IL15: variants seen among roughly 807,000 people sequenced by gnomAD.
IL15 encodes the protein interleukin 15.
IL15 carries 11 observed loss-of-function variants against 19.6 expected under a neutral mutation model. The ratio of observed to expected loss-of-function variants is 0.56; its 90% CI spans 0.35 to 0.93. The LOEUF (loss-of-function observed/expected upper bound fraction) is 0.93, where lower values mean the gene tolerates loss of function less well. IL15 is among the 40% of genes least tolerant of loss of function. The pLI is 0.01. For synonymous variants in IL15, 58 were observed against 59.6 expected (o/e 0.97, Z 0.12); for missense variants, 197 against 186.5 (o/e 1.06, Z -0.33).
intron 7 of IL15, among the ~76,000 whole-genome samples, chr4:141,730,409 T>A (rs1273440770): frequency 6.6e-6 from 1 of 152,172 alleles, no homozygotes; most frequent in Non-Finnish European, 1.5e-5. Context: ...ATTCATTTAA[T>A]CCTCATGATA....
At chr4:141,663,655 G>T (rs1727867470) in intron 2 of IL15, among the ~76,000 whole-genome samples, 1 of 152,176 alleles carries the variant, frequency 6.6e-6, no homozygotes, top group Non-Finnish European at 1.5e-5. Context: ...CTTCCTCCCA[G>T]GTATGGGATA....
At chr4:141,679,285 T>C (rs1728459022) in intron 2 of IL15, among the ~76,000 whole-genome samples, 1 of 152,230 alleles carries the variant, frequency 6.6e-6, no homozygotes, top group African/African-American at 2.4e-5. Flanking sequence ...TATACTTTGC[T>C]TAGTATCCAA....
chr4:141,696,598 C>T (rs953940302), intron 2 of IL15, among the ~76,000 whole-genome samples: 14 of 151,912 alleles, frequency 9.2e-5, no homozygotes, highest in African/African-American at 3.4e-4. Flanking sequence ...TCTTCACATT[C>T]GTTCAGAAAA....
At chr4:141,682,289 G>A (rs1728559179) in intron 2 of IL15, among the ~76,000 whole-genome samples, 1 of 152,118 alleles carries the variant, frequency 6.6e-6, no homozygotes, top group Non-Finnish European at 1.5e-5. Context: ...ATTAAAATTT[G>A]TAATTGTTGA....
At chr4:141,705,153 C>T (rs2152183387) in intron 2 of IL15, among the ~76,000 whole-genome samples, 1 of 151,614 alleles carries the variant, frequency 6.6e-6, no homozygotes, top group Middle Eastern at 3.4e-3. Flanking sequence ...ATTTTTAGTT[C>T]CTTGAGGTGA....
intron 1 of IL15, among the ~76,000 whole-genome samples, chr4:141,650,778 A>G (rs1727377629): frequency 6.6e-6 from 1 of 152,076 alleles, no homozygotes; most frequent in South Asian, 2.1e-4. Context: ...GATGTTACTT[A>G]GGCACTGGAA....
chr4:141,695,788 A>G lies in IL15; in HGVS notation c.-99-23578A>G, dbSNP rs547974110. 2.0e-5 allele frequency among the ~76,000 whole-genome samples: 3 copies of G among 152,008 alleles called. No individual in the cohort carries two copies. In the South Asian group the frequency reaches 6.2e-4, roughly 32 times the overall value. On this transcript the variant is annotated intron_variant, in intron 2 of 7. Coordinates refer to ENST00000320650, the MANE Select transcript of IL15 (RefSeq NM_000585.5). ...GACTTTTGCCCATTTTTCAAGTTGTATTGTTTCTTCAAATTTGAGTTGTTT... is the reference window on the plus strand; with the variant it reads ...GACTTTTGCCCATTTTTCAAGTTGTGTTGTTTCTTCAAATTTGAGTTGTTT...
intron 2 of IL15, among the ~76,000 whole-genome samples, chr4:141,683,431 C>A (rs1255397950): frequency 6.6e-6 from 1 of 151,618 alleles, no homozygotes; most frequent in African/African-American, 2.4e-5. Context: ...ATTAGCCTGG[C>A]ATGGCGGTGT....
chr4:141,674,023 A>C (rs1050098704), intron 2 of IL15, among the ~76,000 whole-genome samples: 2 of 152,212 alleles, frequency 1.3e-5, no homozygotes, highest in South Asian at 2.1e-4. Flanking sequence ...AGTTGATATT[A>C]AAGTGTTAAA....
At chr4:141,711,518 G>A (rs1425297549) in intron 2 of IL15, among the ~76,000 whole-genome samples, 2 of 152,024 alleles carry the variant, frequency 1.3e-5, no homozygotes, top group Non-Finnish European at 2.9e-5. Flanking sequence ...CAGTAATTAT[G>A]TCATATGTGC....
intron 2 of IL15, among the ~76,000 whole-genome samples, chr4:141,656,817 ACTAT>A (rs911043022): frequency 4.6e-5 from 7 of 152,198 alleles, no homozygotes; most frequent in African/African-American, 1.7e-4. Context: ...GTGTAATCAA[ACTAT>A]CTAATTTTTG....
intron 2 of IL15, among the ~76,000 whole-genome samples, chr4:141,662,572 A>G (rs954133313): frequency 6.6e-6 from 1 of 152,146 alleles, no homozygotes; most frequent in East Asian, 1.9e-4. Context: ...ATGTATGTGC[A>G]TCTCTTGTAA....
chr4:141,711,639 A>G (rs1013339883), intron 2 of IL15, among the ~76,000 whole-genome samples: 4 of 152,122 alleles, frequency 2.6e-5, no homozygotes, highest in African/African-American at 9.7e-5. Context: ...TGATGTCAAA[A>G]ATGTACTTTA....
At chr4:141,662,079 C>A (rs1727810019) in intron 2 of IL15, among the ~76,000 whole-genome samples, 1 of 152,122 alleles carries the variant, frequency 6.6e-6, no homozygotes, top group Non-Finnish European at 1.5e-5. Context: ...ACATTGAGTA[C>A]TTTTAGTCCT....
intron 2 of IL15, among the ~76,000 whole-genome samples, chr4:141,704,921 TG>T (rs1192324367): frequency 8.6e-5 from 13 of 151,862 alleles, no homozygotes; most frequent in Non-Finnish European, 1.8e-4. Context: ...TAGTATCAGT[TG>T]TTATGTCTCA....
At chr4:141,717,913 G>A (rs912217684) in intron 2 of IL15, 5 of 152,006 alleles carry the variant, frequency 3.3e-5, no homozygotes, top group African/African-American at 9.7e-5. Context: ...CTCCTGCCTC[G>A]GCCTCCCAAA....
At chr4:141,718,638 T>C (rs1729972730) in intron 2 of IL15, 1 of 152,206 alleles carries the variant, frequency 6.6e-6, no homozygotes, top group Non-Finnish European at 1.5e-5. Context: ...CCATTTTTTA[T>C]ATTTCAGAAA....
At chr4:141,714,361 T>G (rs1056296785) in intron 2 of IL15, among the ~76,000 whole-genome samples, 26 of 151,788 alleles carry the variant, frequency 1.7e-4, no homozygotes, top group Non-Finnish European at 3.8e-4. Flanking sequence ...AAATCCTTAA[T>G]TCCCCCTCTC....
intron 4 of IL15, chr4:141,721,561 G>A (rs1382946179): frequency 1.9e-6 from 1 of 525,218 alleles, no homozygotes; most frequent in Non-Finnish European, 3.6e-6. Context: ...CAAAGTCTCT[G>A]TAAATCTCTA....
Sources: allele counts gnomAD v4.1 joint callset (sites outside exome capture counted in the v4.1 genomes callset), GRCh38; gene constraint gnomAD v4.1.1; transcripts MANE v1.5; gene names NCBI Gene and HGNC (gene_info 2026-07-23, HGNC 2026-07-21).